Variants in DIS3L2 observed in about 807,000 individuals in gnomAD.
The protein encoded by DIS3L2 is DIS3-like exonuclease 2.
Under a neutral mutation model 97.5 loss-of-function variants are expected in DIS3L2, and 34 were observed. That is an observed-to-expected ratio of 0.35 (90% CI 0.27 to 0.46). The LOEUF is 0.46. DIS3L2 is among the 20% of genes least tolerant of loss of function. DIS3L2 has a pLI of 1.00. For missense variants in DIS3L2, 1,038 were observed against 1,146.0 expected (o/e 0.91, Z 1.36); for synonymous variants, 435 against 445.2 (o/e 0.98, Z 0.29).
chr2:232,127,990 G>A (rs573303642), intron 6 of DIS3L2, among the ~76,000 whole-genome samples: 3 of 151,896 alleles, frequency 2.0e-5, no homozygotes, highest in South Asian at 2.1e-4. Context: ...TCACTGCGTC[G>A]CCAAGGCTGG....
intron 5 of DIS3L2, among the ~76,000 whole-genome samples, chr2:232,053,082 A>G (rs548649033): frequency 6.6e-6 from 1 of 152,204 alleles, no homozygotes; most frequent in African/African-American, 2.4e-5. Context: ...TCATGTGCTT[A>G]TTTCTAAATA....
intron 5 of DIS3L2, among the ~76,000 whole-genome samples, chr2:232,050,219 C>A (rs145026655): frequency 2.7e-4 from 41 of 152,182 alleles, no homozygotes; most frequent in Admixed American, 6.5e-4. Flanking sequence ...TTCTTCTATT[C>A]AGTATGTTTG....
At chr2:232,233,204 T>A (rs565402808) in intron 10 of DIS3L2, among the ~76,000 whole-genome samples, 1 of 152,316 alleles carries the variant, frequency 6.6e-6, no homozygotes, top group African/African-American at 2.4e-5. Context: ...TACTGTAGAC[T>A]AGGTGGCATA....
intron 12 of DIS3L2, among the ~76,000 whole-genome samples, chr2:232,252,362 TCGTGC>T (rs1693441958): frequency 6.6e-6 from 1 of 152,082 alleles, no homozygotes; most frequent in Non-Finnish European, 1.5e-5. Flanking sequence ...TGAGCTGAGA[TCGTGC>T]CATTGCACTC....
At chr2:232,070,834 C>T (rs966326694) in intron 5 of DIS3L2, among the ~76,000 whole-genome samples, 6 of 152,098 alleles carry the variant, frequency 3.9e-5, no homozygotes, top group Admixed American at 2.0e-4. Flanking sequence ...CTGCCCCCCT[C>T]GGCCTCCCAA....
intron 5 of DIS3L2, among the ~76,000 whole-genome samples, chr2:232,052,241 C>G (rs1286064048): frequency 6.6e-6 from 1 of 152,154 alleles, no homozygotes; most frequent in African/African-American, 2.4e-5. Context: ...TCAGGCTGGT[C>G]TCGAACTCCT....
chr2:232,210,926 C>T (rs569190874), intron 10 of DIS3L2, among the ~76,000 whole-genome samples: 3 of 151,974 alleles, frequency 2.0e-5, no homozygotes, highest in Admixed American at 1.3e-4. Flanking sequence ...TTCATCTATC[C>T]AGCAAGTTGA....
chr2:232,331,049 T>G (rs1391299796), intron 16 of DIS3L2, among the ~76,000 whole-genome samples: 1 of 152,218 alleles, frequency 6.6e-6, no homozygotes, highest in Admixed American at 6.5e-5. Flanking sequence ...GAGGGGCTAC[T>G]GAGACCTCCT....
chr2:232,130,558 C>T (rs1419112383), intron 6 of DIS3L2, 61 bp from the exon 7 acceptor site: 2 of 1,532,906 alleles, frequency 1.3e-6, no homozygotes, highest in African/African-American at 2.8e-5. Context: ...ATTTTAAAAT[C>T]CCACTAATTG....
chr2:232,135,384 T>C (rs1238843022), intron 7 of DIS3L2, among the ~76,000 whole-genome samples: 1 of 152,062 alleles, frequency 6.6e-6, no homozygotes, highest in Non-Finnish European at 1.5e-5. Context: ...TTTCAGAGGC[T>C]GTATGTGGGA....
At chr2:231,995,020 G>A (rs1423692939) in intron 1 of DIS3L2, among the ~76,000 whole-genome samples, 2 of 151,970 alleles carry the variant, frequency 1.3e-5, no homozygotes, top group African/African-American at 4.8e-5. Context: ...GCCCAGGCTG[G>A]TCTCGAACTC....
intron 6 of DIS3L2, among the ~76,000 whole-genome samples, chr2:232,096,741 T>C (rs1559624778): frequency 6.6e-6 from 1 of 152,184 alleles, no homozygotes; most frequent in Non-Finnish European, 1.5e-5. Flanking sequence ...TCAGTTTCAT[T>C]TTTCAGCTCC....
intron 9 of DIS3L2, among the ~76,000 whole-genome samples, chr2:232,181,177 A>G (rs2106183311): frequency 6.8e-6 from 1 of 147,476 alleles, no homozygotes; most frequent in Non-Finnish European, 1.5e-5. Context: ...CTGCCGAGAG[A>G]TCCGCTGTTA....
chr2:232,236,056 TTACAGC>T (rs1692924297), intron 10 of DIS3L2, among the ~76,000 whole-genome samples: 2 of 152,318 alleles, frequency 1.3e-5, no homozygotes, highest in South Asian at 4.1e-4. Context: ...CCTTTATGTA[TTACAGC>T]TACAGGATTG....
At chr2:232,309,516 A>C (rs1695067078) in intron 14 of DIS3L2, among the ~76,000 whole-genome samples, 1 of 151,674 alleles carries the variant, frequency 6.6e-6, no homozygotes, top group African/African-American at 2.4e-5. Flanking sequence ...TTTTTTGTTT[A>C]GTTTTGTTTT....
chr2:231,975,287 A>G (rs1420834934), intron 1 of DIS3L2, among the ~76,000 whole-genome samples: 1 of 152,156 alleles, frequency 6.6e-6, no homozygotes, highest in Non-Finnish European at 1.5e-5. Flanking sequence ...ACTCTGAGGC[A>G]GTTGGAACAG....
At chr2:232,214,435 G>A (rs1692277843) in intron 10 of DIS3L2, among the ~76,000 whole-genome samples, 1 of 151,866 alleles carries the variant, frequency 6.6e-6, no homozygotes, top group African/African-American at 2.4e-5. Flanking sequence ...TATGCCTCTC[G>A]GGCCCCTATA....
chr2:232,155,882 C>A (rs565019874), intron 8 of DIS3L2, among the ~76,000 whole-genome samples: 1 of 150,982 alleles, frequency 6.6e-6, no homozygotes, highest in Admixed American at 6.6e-5. Context: ...CCCAGCTACT[C>A]GGGAGGCCGA....
chr2:231,969,951 AT>A (rs995675948), intron 1 of DIS3L2, among the ~76,000 whole-genome samples: 12 of 140,562 alleles, frequency 8.5e-5, no homozygotes, highest in South Asian at 2.3e-4. Flanking sequence ...TGATCATATG[AT>A]TTTTTTTTTT....
Sources: gnomAD v4.1 joint callset for allele counts (sites outside exome capture counted in the v4.1 genomes callset) on GRCh38, gnomAD v4.1.1 for gene constraint, MANE v1.5 for transcripts, NCBI Gene and HGNC (gene_info 2026-07-23, HGNC 2026-07-21) for gene names.